Variants in RBFOX1 observed in about 807,000 individuals in gnomAD.
RBFOX1 encodes the protein RNA binding protein fox-1 homolog 1.
Under a neutral mutation model 57.7 loss-of-function variants are expected in RBFOX1, and 8 were observed. That is an observed-to-expected ratio of 0.14 (90% confidence interval 0.08 to 0.25). RBFOX1 has a LOEUF of 0.25. Among genes scored for constraint, RBFOX1 ranks in the 10% least tolerant of loss-of-function variants. RBFOX1 has a pLI of 1.00. For missense variants in RBFOX1, 611 were observed against 548.5 expected, an observed-to-expected ratio of 1.11 and a Z score of -1.14; for synonymous variants, 326 against 222.4, an observed-to-expected ratio of 1.47 and a Z score of -4.15.
At chr16:6,233,442 A>G (rs921238029) in intron 1 of RBFOX1, among the ~76,000 whole-genome samples, 4 of 151,978 alleles carry the variant, frequency 2.6e-5, no homozygotes, top group Non-Finnish European at 2.9e-5. Context: ...CCGCAACCCA[A>G]ACAGCCTGAT....
intron 3 of RBFOX1, among the ~76,000 whole-genome samples, chr16:5,673,362 C>G (rs1469857832): frequency 5.3e-5 from 8 of 152,228 alleles, no homozygotes; most frequent in African/African-American, 1.9e-4. Flanking sequence ...GGTCACACCT[C>G]AGTAAAGAAG....
chr16:5,294,147 T>G (rs556999215), intron 1 of RBFOX1, among the ~76,000 whole-genome samples: 1 of 152,290 alleles, frequency 6.6e-6, no homozygotes, highest in African/African-American at 2.4e-5. Flanking sequence ...GAAAATGGGT[T>G]GAACCTGGGA....
intron 4 of RBFOX1, among the ~76,000 whole-genome samples, chr16:7,155,762 CACAT>C (rs1487435809): frequency 5.7e-5 from 7 of 122,988 alleles, no homozygotes; most frequent in Non-Finnish European, 8.2e-5. Context: ...CACACACACA[CACAT>C]ATATATACAG....
At chr16:7,111,637 G>C (rs1004592999) in intron 4 of RBFOX1, among the ~76,000 whole-genome samples, 3 of 152,104 alleles carry the variant, frequency 2.0e-5, no homozygotes, top group African/African-American at 7.2e-5. Flanking sequence ...AAATTACTAA[G>C]TATTTGCTAG....
At chr16:5,603,131 C>T (rs2047422513), downstream of RBFOX1, among the ~76,000 whole-genome samples, 1 of 152,214 alleles carries the variant, frequency 6.6e-6, no homozygotes, top group African/African-American at 2.4e-5. Flanking sequence ...TGACCTCCAC[C>T]TGTCTGCTTT....
At chr16:7,482,695 G>C (rs1490962755) in intron 4 of RBFOX1, among the ~76,000 whole-genome samples, 2 of 151,830 alleles carry the variant, frequency 1.3e-5, no homozygotes, top group African/African-American at 4.8e-5. Flanking sequence ...TCCCCTGCTT[G>C]CACTTCGAAT....
At chr16:7,186,994 C>CAAAAAAAAAAAAAAAAAAAAAA (rs35177784) in intron 4 of RBFOX1, among the ~76,000 whole-genome samples, 6 of 69,262 alleles carry the variant, frequency 8.7e-5, no homozygotes, top group African/African-American at 3.8e-4. Flanking sequence ...CCCACCTCCA[C>CAAAAAAAAAAAAAAAAAAAAAA]AAAAAAAAAA....
chr16:7,447,783 A>G (rs2098820182), intron 4 of RBFOX1, among the ~76,000 whole-genome samples: 1 of 152,212 alleles, frequency 6.6e-6, no homozygotes, highest in Non-Finnish European at 1.5e-5. Flanking sequence ...CATTTGTTGA[A>G]GGTTATAGGT....
At chr16:7,705,894 A>T (rs759342606) in intron 14 of RBFOX1, among the ~76,000 whole-genome samples, 1 of 152,192 alleles carries the variant, frequency 6.6e-6, no homozygotes, top group Non-Finnish European at 1.5e-5. Context: ...AAGTGGGCAC[A>T]TGGAGATCAT....
intron 3 of RBFOX1, among the ~76,000 whole-genome samples, chr16:5,744,576 T>G (rs1417392391): frequency 6.6e-6 from 1 of 152,122 alleles, no homozygotes; most frequent in Non-Finnish European, 1.5e-5. Flanking sequence ...ACACAGACAT[T>G]GGCACACAAT....
chr16:6,428,598 A>G (rs1451574679), intron 2 of RBFOX1, among the ~76,000 whole-genome samples: 4 of 152,182 alleles, frequency 2.6e-5, no homozygotes, highest in Admixed American at 2.6e-4. Context: ...GAATTAATGT[A>G]TGTAAAGTAC....
At chr16:7,689,235 C>G (rs946631242) in intron 14 of RBFOX1, among the ~76,000 whole-genome samples, 1 of 152,124 alleles carries the variant, frequency 6.6e-6, no homozygotes, top group Non-Finnish European at 1.5e-5. Flanking sequence ...CTCCCTTAAA[C>G]TCAATTTGGC....
intron 1 of RBFOX1, among the ~76,000 whole-genome samples, chr16:6,131,308 A>G (rs2096628052): frequency 6.6e-6 from 1 of 152,214 alleles, no homozygotes; most frequent in Non-Finnish European, 1.5e-5. Flanking sequence ...TGTAAACAAA[A>G]TGTTATTGGT....
At chr16:7,230,459 G>C (rs1198888694) in intron 4 of RBFOX1, among the ~76,000 whole-genome samples, 1 of 152,100 alleles carries the variant, frequency 6.6e-6, no homozygotes, top group African/African-American at 2.4e-5. Context: ...ATGTAGATCA[G>C]CTTTGTCCTC....
intron 2 of RBFOX1, among the ~76,000 whole-genome samples, chr16:5,487,844 G>A (rs902929198): frequency 6.6e-5 from 10 of 152,106 alleles, no homozygotes; most frequent in African/African-American, 1.9e-4. Context: ...GTTGGTGGTC[G>A]TGGGCATGAT....
At position 6,081,625 on chromosome 16, in the gene RBFOX1, T is replaced by C. The variant is rs986380425; in HGVS notation, c.-127+61633T>C. ...AAAGAGCTTCCCGTGAGGTTGAACC[T>C]GGGGTTCCTAGCTTCATGTGAGGTT... On this transcript the variant is annotated intron_variant, in intron 1 of 15. Coordinates refer to ENST00000550418, the MANE Select transcript of RBFOX1 (RefSeq NM_018723.4). Among the ~76,000 whole-genome samples the C allele has an allele frequency of 3.3e-5, 5 of 152,340 alleles. No individual in the cohort carries two copies. In the East Asian group the frequency reaches 5.8e-4, roughly 18 times the overall value.
At chr16:7,486,293 G>T (rs193248796) in intron 4 of RBFOX1, among the ~76,000 whole-genome samples, 1 of 149,400 alleles carries the variant, frequency 6.7e-6, no homozygotes, top group African/African-American at 2.5e-5. Flanking sequence ...CACCACGCCT[G>T]GTTCATTTTT....
At chr16:6,531,193 A>T (rs2096653252) in intron 2 of RBFOX1, among the ~76,000 whole-genome samples, 1 of 152,062 alleles carries the variant, frequency 6.6e-6, no homozygotes, top group Non-Finnish European at 1.5e-5. Context: ...GTTTTTCCCA[A>T]ATTCTATTTT....
chr16:5,751,763 G>T (rs762495894), intron 3 of RBFOX1, among the ~76,000 whole-genome samples: 1 of 152,206 alleles, frequency 6.6e-6, no homozygotes, highest in Non-Finnish European at 1.5e-5. Flanking sequence ...AGATGGTTTA[G>T]TGTTTACTCC....
Sources: gnomAD v4.1 joint callset for allele counts (sites outside exome capture counted in the v4.1 genomes callset) on GRCh38, gnomAD v4.1.1 for gene constraint, MANE v1.5 for transcripts, NCBI Gene and HGNC (gene_info 2026-07-23, HGNC 2026-07-21) for gene names.